ADAMTS19: variants seen among roughly 807,000 people sequenced by gnomAD.
The protein encoded by ADAMTS19 is A disintegrin and metalloproteinase with thrombospondin motifs 19.
ADAMTS19 carries 93 observed loss-of-function variants against 153.3 expected under a neutral mutation model. That is an observed-to-expected ratio of 0.61 (90% CI 0.51 to 0.72). The LOEUF (loss-of-function observed/expected upper bound fraction) is 0.72, where lower values mean the gene tolerates loss of function less well. ADAMTS19 is among the 30% of genes least tolerant of loss of function. ADAMTS19 has a pLI of 0.00. For synonymous variants in ADAMTS19, 600 were observed against 556.6 expected (o/e 1.08, Z -1.10); for missense variants, 1,482 against 1,552.1 (o/e 0.95, Z 0.76).
At chr5:129,561,858 A>ATCTG (rs2126844226) in intron 7 of ADAMTS19, among the ~76,000 whole-genome samples, 1 of 151,624 alleles carries the variant, frequency 6.6e-6, no homozygotes, top group South Asian at 2.1e-4. Context: ...CTATCTATCT[A>ATCTG]TCTATCTAAT....
intron 7 of ADAMTS19, among the ~76,000 whole-genome samples, chr5:129,573,820 G>C (rs1446005693): frequency 1.3e-5 from 2 of 151,716 alleles, no homozygotes; most frequent in Non-Finnish European, 2.9e-5. Context: ...ATAGCATTTT[G>C]CTTCTATTAA....
intron 7 of ADAMTS19, among the ~76,000 whole-genome samples, chr5:129,593,384 A>T (rs1750234593): frequency 6.6e-6 from 1 of 152,088 alleles, no homozygotes; most frequent in South Asian, 2.1e-4. Flanking sequence ...AATCTAGATG[A>T]CCTCTACCTG....
chr5:129,686,520 G>A (rs1268165826), intron 18 of ADAMTS19, among the ~76,000 whole-genome samples: 1 of 152,096 alleles, frequency 6.6e-6, no homozygotes, highest in Admixed American at 6.5e-5. Flanking sequence ...TCTGGTAGTG[G>A]CAGGGAGGAG....
chr5:129,658,301 A>AAG, intron 14 of ADAMTS19, among the ~76,000 whole-genome samples: 1 of 106,150 alleles, frequency 9.4e-6, no homozygotes, highest in African/African-American at 4.3e-5. Flanking sequence ...AAAAGAAAGA[A>AAG]AGAAAGAAAA....
At chr5:129,730,057 T>C (rs1224654829) in intron 21 of ADAMTS19, among the ~76,000 whole-genome samples, 1 of 152,150 alleles carries the variant, frequency 6.6e-6, no homozygotes, top group Non-Finnish European at 1.5e-5. Flanking sequence ...TTCTATGTAA[T>C]ATTAATCCCT....
At chr5:129,610,999 G>T (rs1217489430) in intron 8 of ADAMTS19, among the ~76,000 whole-genome samples, 1 of 152,106 alleles carries the variant, frequency 6.6e-6, no homozygotes, top group Non-Finnish European at 1.5e-5. Flanking sequence ...GTGTGAGATG[G>T]TATCTCATTG....
chr5:129,683,659 A>G (rs1754930446), intron 17 of ADAMTS19, among the ~76,000 whole-genome samples: 1 of 151,594 alleles, frequency 6.6e-6, no homozygotes, highest in African/African-American at 2.4e-5. Context: ...TGACTCAGCA[A>G]CTTCCTGTCC....
intron 21 of ADAMTS19, among the ~76,000 whole-genome samples, chr5:129,726,845 A>G (rs1757230885): frequency 6.6e-6 from 1 of 151,948 alleles, no homozygotes; most frequent in Non-Finnish European, 1.5e-5. Flanking sequence ...TCCCAGCTTT[A>G]ATTTTTTCCA....
intron 3 of ADAMTS19, among the ~76,000 whole-genome samples, chr5:129,522,350 T>C (rs112124844): frequency 8.0e-6 from 1 of 125,036 alleles, no homozygotes; most frequent in East Asian, 2.3e-4. Flanking sequence ...TATATATATA[T>C]ATATATATAT....
intron 2 of ADAMTS19, among the ~76,000 whole-genome samples, chr5:129,506,372 T>C (rs1751268736): frequency 1.3e-5 from 2 of 152,126 alleles, no homozygotes; most frequent in South Asian, 4.1e-4. Context: ...TCACCACTTA[T>C]AATTATTCCA....
intron 3 of ADAMTS19, among the ~76,000 whole-genome samples, chr5:129,512,067 T>C (rs1311821791): frequency 6.6e-6 from 1 of 152,014 alleles, no homozygotes; most frequent in African/African-American, 2.4e-5. Flanking sequence ...GACCAGAAAC[T>C]GAAGGGACTT....
chr5:129,681,194 T>C (rs1273274394), intron 17 of ADAMTS19, among the ~76,000 whole-genome samples: 1 of 152,238 alleles, frequency 6.6e-6, no homozygotes, highest in Non-Finnish European at 1.5e-5. Context: ...TTAGTGTGCC[T>C]GCAGATTACC....
intron 8 of ADAMTS19, among the ~76,000 whole-genome samples, chr5:129,602,979 G>A (rs568441978): frequency 6.6e-6 from 1 of 151,900 alleles, no homozygotes. Context: ...CTCAAGTGTG[G>A]TCTGTGATGA....
chr5:129,713,781 C>G (rs956851924), intron 21 of ADAMTS19, among the ~76,000 whole-genome samples: 1 of 148,280 alleles, frequency 6.7e-6, no homozygotes, highest in East Asian at 2.0e-4. Context: ...AAAAAATTAA[C>G]AAAATGTTTT....
chr5:129,698,874 A>G (rs1024623744), intron 19 of ADAMTS19, among the ~76,000 whole-genome samples: 2 of 152,220 alleles, frequency 1.3e-5, no homozygotes, highest in African/African-American at 2.4e-5. Flanking sequence ...GGGGACTCCA[A>G]AGCAAAATGG....
chr5:129,713,427 G>C (rs1756569389), intron 21 of ADAMTS19, among the ~76,000 whole-genome samples: 2 of 152,146 alleles, frequency 1.3e-5, no homozygotes, highest in African/African-American at 4.8e-5. Context: ...CAAATGATCA[G>C]CCAATTAGAA....
intron 21 of ADAMTS19, among the ~76,000 whole-genome samples, chr5:129,719,372 C>T (rs1404506089): frequency 2.6e-5 from 4 of 152,044 alleles, no homozygotes; most frequent in Non-Finnish European, 5.9e-5. Context: ...CCCATATGGC[C>T]CCCAAATCTA....
intron 16 of ADAMTS19, among the ~76,000 whole-genome samples, chr5:129,669,666 T>G (rs965609579): frequency 6.6e-6 from 1 of 152,126 alleles, no homozygotes; most frequent in African/African-American, 2.4e-5. Flanking sequence ...TTCAGTTTGT[T>G]GTTTTTTTGA....
At chr5:129,483,901 T>TG (rs1273522713) in intron 2 of ADAMTS19, among the ~76,000 whole-genome samples, 1 of 152,052 alleles carries the variant, frequency 6.6e-6, no homozygotes, top group East Asian at 1.9e-4. Flanking sequence ...TGTCTTTGAA[T>TG]GGGGGGTGGG....
Sources: allele counts gnomAD v4.1 joint callset (sites outside exome capture counted in the v4.1 genomes callset), GRCh38; gene constraint gnomAD v4.1.1; transcripts MANE v1.5; gene names NCBI Gene and HGNC (gene_info 2026-07-23, HGNC 2026-07-21).